The following PIEZO1 variants were observed in gnomAD, a reference collection of about 807,000 sequenced individuals.
The protein encoded by PIEZO1 is piezo type mechanosensitive ion channel component 1 (Er blood group), also known as piezo-type mechanosensitive ion channel component 1.
PIEZO1 carries 296 observed loss-of-function variants against 297.2 expected under a neutral mutation model. The ratio of observed to expected loss-of-function variants is 1.00; its 90% CI spans 0.91 to 1.10. The LOEUF (loss-of-function observed/expected upper bound fraction) is 1.10. Among genes scored for constraint, PIEZO1 ranks in the 50% least tolerant of loss-of-function variants. PIEZO1 has a pLI of 0.00. For missense variants in PIEZO1, 5,018 were observed against 3,455.5 expected, an observed-to-expected ratio of 1.45 and a Z score of -11.34; for synonymous variants, 2,427 against 1,507.5, an observed-to-expected ratio of 1.61 and a Z score of -14.13.
Position 88,732,487 on chromosome 16 carries a change from G to A in PIEZO1, c.2839C>T (p.Arg947Trp), listed in dbSNP as rs760690839. ...LLLVFEAIVY[R>W]RQEHYRRQHQ... ...TGCCGGCGGTAGTGCTCCTGGCGCC[G>A]GTACACGATGGCCTCGAATACCAGC... Residue 947 changes from arginine (R) to tryptophan (W), a missense_variant, in exon 21 of 51, where the codon CGG becomes TGG. By Grantham distance (101) the Arg-to-Trp change is moderately radical. Transcript: ENST00000301015. 117 of 1,548,658 alleles carry A rather than the reference G, an allele frequency of 7.6e-5. No individual in the cohort carries two copies. Among genetic ancestry groups the A allele is most frequent in the Middle Eastern group, 1.7e-4 (1 of 5,992 alleles).
Position 88,735,330 on chromosome 16 carries a change from A to AG in PIEZO1, c.1558-85dup, listed in dbSNP as rs553689919. 272 of 937,044 alleles carry AG rather than the reference A, an allele frequency of 2.9e-4. 3 individuals are homozygous for AG. In the South Asian group the frequency reaches 3.7e-3, roughly 13 times the overall value. The allele number at this position is 937,044 out of a possible 1,614,324, so 58.0% of individuals were successfully genotyped here. Reference sequence around the variant, plus strand: ...GGGGGACCCAGCACCCTCCTATAGCAGGGGGCAAGAGCTCTCAGGCGGCTG... The same window carrying AG: ...GGGGGACCCAGCACCCTCCTATAGCAGGGGGGCAAGAGCTCTCAGGCGGCTG... On this transcript the variant is annotated intron_variant, in intron 12 of 50. Coordinates refer to ENST00000301015, the MANE Select transcript of PIEZO1 (RefSeq NM_001142864.4).
chr16:88,719,581 G>T lies in PIEZO1; in HGVS notation c.6464C>A (p.Thr2155Lys). The T allele has an allele frequency of 6.4e-7, 1 of 1,550,692 alleles. No homozygotes were observed. Among genetic ancestry groups the T allele is most frequent in the Non-Finnish European group, 8.7e-7 (1 of 1,147,006 alleles). Residue 2155 changes from threonine to lysine, a missense_variant, in exon 44 of 51, where the codon ACA (threonine) becomes AAA (lysine). Transcript: ENST00000301015. ...NIFIIKCSRETEKKYPQPKGQ... is the reference protein window; with the variant it reads ...NIFIIKCSREKEKKYPQPKGQ... ...CGCCCTGGGCCCAGGCACCTTCTCTGTCTCTCGGCTGCATTTGATGATGAA... is the reference window on the plus strand; with the variant it reads ...CGCCCTGGGCCCAGGCACCTTCTCTTTCTCTCGGCTGCATTTGATGATGAA...
intron 1 of PIEZO1, among the ~76,000 whole-genome samples, chr16:88,783,973 G>C (rs1170229687): frequency 3.9e-5 from 6 of 152,238 alleles, no homozygotes; most frequent in African/African-American, 7.2e-5. Flanking sequence ...CGTCCCACTT[G>C]TCCGTGGGTT....
intron 22 of PIEZO1, chr16:88,731,244 G>C (rs778863748): frequency 5.4e-6 from 1 of 186,358 alleles, no homozygotes; most frequent in Admixed American, 5.3e-5. Context: ...AGGGTGCTGA[G>C]GCCGGGGCTG....
chr16:88,779,446 T>C (rs932578731), intron 1 of PIEZO1, among the ~76,000 whole-genome samples: 1 of 152,178 alleles, frequency 6.6e-6, no homozygotes, highest in Non-Finnish European at 1.5e-5. Flanking sequence ...TAAACAGCAA[T>C]GACCGTGCGG....
chr16:88,749,642 T>C (rs1359293305), intron 1 of PIEZO1, among the ~76,000 whole-genome samples, 163 bp from the exon 2 acceptor site: 2 of 152,208 alleles, frequency 1.3e-5, no homozygotes, highest in East Asian at 1.9e-4. Context: ...CTTCCGTACA[T>C]ATCTCACACA....
intron 10 of PIEZO1, 49 bp from the exon 11 acceptor site, chr16:88,736,788 C>T (rs1296174221): frequency 1.7e-5 from 20 of 1,144,672 alleles, no homozygotes; most frequent in East Asian, 7.8e-5. Context: ...CTGCAGGCCT[C>T]CCCACCCTGA....
intron 1 of PIEZO1, 114 bp downstream of exon 1, chr16:88,784,787 C>A: frequency 1.4e-6 from 1 of 739,086 alleles, no homozygotes. Flanking sequence ...CTGGGAATTT[C>A]CGCGCCCGCT....
intron 22 of PIEZO1, 63 bp from the exon 23 acceptor site, chr16:88,727,724 C>A: frequency 1.3e-6 from 1 of 777,776 alleles, no homozygotes; most frequent in South Asian, 2.4e-5. Context: ...ACACCCGGTC[C>A]CCACCCGTTG....
chr16:88,749,758 T>C (rs1479855596), intron 1 of PIEZO1, among the ~76,000 whole-genome samples: 1 of 152,228 alleles, frequency 6.6e-6, no homozygotes, highest in Non-Finnish European at 1.5e-5. Flanking sequence ...CTGGGTGCAG[T>C]GGTTCACACC....
intron 1 of PIEZO1, among the ~76,000 whole-genome samples, chr16:88,775,660 C>G (rs1300072406): frequency 7.2e-6 from 1 of 138,708 alleles, no homozygotes. Context: ...ACCAGGGAGG[C>G]GGAGGGTGCA....
At chr16:88,726,050 A>G (rs1260039432) in intron 27 of PIEZO1, 2 of 574,604 alleles carry the variant, frequency 3.5e-6, no homozygotes, top group South Asian at 4.4e-5. Flanking sequence ...GGGGTGAGAC[A>G]CCAGCCACCG....
rs1480373460 is a variant in PIEZO1, at chr16:88,784,908, C to G, written c.57G>C (p.Leu19=). ...CGCCCGCCCCCCACTCACCAGCCAG[C>G]AGCGCGCAGGGCAGCAGCAGCCAGT... The part of the protein sequence containing the change: ...VLYWLLLPCA[L]LAACLLRFSG... Residue 19 remains leucine, a synonymous_variant, in exon 1 of 51, where the codon CTG becomes CTC. Transcript: ENST00000301015. 5.8e-5 allele frequency: 83 copies of G among 1,436,788 alleles called. No individual in the cohort carries two copies. Among genetic ancestry groups the G allele is most frequent in the Non-Finnish European group, 7.6e-5 (83 of 1,093,234 alleles). The allele number at this position is 1,436,788 out of a possible 1,614,324, so 89.0% of individuals were successfully genotyped here.
intron 13 of PIEZO1, 38 bp from the exon 14 acceptor site, chr16:88,735,091 C>A: frequency 6.5e-7 from 1 of 1,538,818 alleles, no homozygotes. Flanking sequence ...GGCATCAGGG[C>A]GGGCAGGCAG....
intron 1 of PIEZO1, among the ~76,000 whole-genome samples, chr16:88,771,106 G>A (rs773963539): frequency 2.6e-4 from 40 of 152,330 alleles, no homozygotes; most frequent in African/African-American, 8.9e-4. Flanking sequence ...AGCCAGAGCC[G>A]TGAGGCAGAG....
intron 45 of PIEZO1, 60 bp from the exon 46 acceptor site, chr16:88,716,958 G>T: frequency 6.5e-7 from 1 of 1,544,486 alleles, no homozygotes. Flanking sequence ...GGCTGGGGGT[G>T]GTGCACCACC....
In PIEZO1 at chr16:88,723,357, G is replaced by A. The variant is rs150267373; in HGVS notation, c.4336-29C>T. 2.6e-3 allele frequency: 4,040 copies of A among 1,535,506 alleles called. 14 individuals are homozygous for A. The highest frequency in any genetic ancestry group is 4.0e-3 in the South Asian group (337 of 83,948). ...TCGGCCAGCCCCCGGGTTAGGACCC[G>A]GCCTCCCGAGCCATCAGACCCAGGC... is the stretch of plus-strand genomic sequence containing the variant. On this transcript the variant is annotated intron_variant, in intron 31 of 50. Coordinates refer to ENST00000301015, the MANE Select transcript of PIEZO1 (RefSeq NM_001142864.4).
intron 22 of PIEZO1, chr16:88,731,280 G>C (rs1014904805): frequency 4.7e-6 from 1 of 213,282 alleles, no homozygotes; most frequent in African/African-American, 2.3e-5. Context: ...CACGTTTGAC[G>C]ATGGCACTGC....
intron 22 of PIEZO1, among the ~76,000 whole-genome samples, chr16:88,730,103 G>A (rs1401548289): frequency 6.6e-6 from 1 of 152,268 alleles, no homozygotes; most frequent in Non-Finnish European, 1.5e-5. Flanking sequence ...ATGCTCGAAA[G>A]CAGATGTTTC....
Sources: allele counts gnomAD v4.1 joint callset (sites outside exome capture counted in the v4.1 genomes callset), GRCh38; gene constraint gnomAD v4.1.1; transcripts MANE v1.5; gene names NCBI Gene and HGNC (gene_info 2026-07-23, HGNC 2026-07-21).